The following PDE5A variants were observed in gnomAD, a reference collection of about 807,000 sequenced individuals.
PDE5A encodes phosphodiesterase 5A, also known as cGMP-specific 3',5'-cyclic phosphodiesterase.
In PDE5A, 67 loss-of-function variants were observed where a neutral mutation model predicts 110.2. The ratio of observed to expected loss-of-function variants is 0.61; its 90% CI spans 0.50 to 0.75. The LOEUF (loss-of-function observed/expected upper bound fraction) is 0.75, where lower values mean the gene tolerates loss of function less well. Among genes scored for constraint, PDE5A ranks in the 30% least tolerant of loss-of-function variants. PDE5A has a pLI of 0.00. For synonymous variants in PDE5A, 328 were observed against 351.2 expected, an observed-to-expected ratio of 0.93 and a Z score of 0.74; for missense variants, 862 against 1,045.1, an observed-to-expected ratio of 0.82 and a Z score of 2.42.
At chr4:119,549,680 A>G (rs1426671303) in intron 9 of PDE5A, 1 of 152,202 alleles carries the variant, frequency 6.6e-6, no homozygotes, top group Non-Finnish European at 1.5e-5. Flanking sequence ...ATATTGGAAA[A>G]AGGCATTTAG....
At chr4:119,567,227 T>A in intron 3 of PDE5A, 83 bp from the exon 4 acceptor site, 1 of 999,776 alleles carries the variant, frequency 1.0e-6, no homozygotes, top group Non-Finnish European at 1.6e-6. Flanking sequence ...TTATAGAAGA[T>A]ATCCTGCATG....
Position 119,607,275 on chromosome 4 carries a change from C to A in PDE5A, c.175G>T (p.Ala59Ser), listed in dbSNP as rs1729574562. Residue 59 changes from alanine to serine, a missense_variant, in exon 2 of 21, where the codon GCT (alanine) becomes TCT (serine). By Grantham distance (99) the Ala-to-Ser change is moderately conservative (BLOSUM62 1). Transcript: ENST00000354960. The stretch of plus-strand genomic sequence containing the variant: ...ACAGGGATGGTGTGAACTCTCTCAG[C>A]AAACCATGCATTGACCATTTCTCTG... ...ATREMVNAWF[A>S]ERVHTIPVCK... 2.5e-6 allele frequency: 4 copies of A among 1,610,990 alleles called. No individual in the cohort carries two copies. The highest frequency in any genetic ancestry group is 1.3e-5 in the African/African-American group (1 of 74,912).
chr4:119,628,029 TC>T, intron 1 of PDE5A: 1 of 985,834 alleles, frequency 1.0e-6, no homozygotes. Flanking sequence ...CTTTGGGCTG[TC>T]CCGTGGACTC....
intron 11 of PDE5A, among the ~76,000 whole-genome samples, chr4:119,534,883 T>C (rs1726676776): frequency 6.6e-6 from 1 of 152,176 alleles, no homozygotes; most frequent in African/African-American, 2.4e-5. Context: ...TGGGAAGTTT[T>C]TGGCTCTGAA....
At chr4:119,540,767 G>A (rs1299017439) in intron 10 of PDE5A, among the ~76,000 whole-genome samples, 1 of 152,054 alleles carries the variant, frequency 6.6e-6, no homozygotes, top group East Asian at 1.9e-4. Flanking sequence ...ACAACTTCCA[G>A]GTCAAAATAA....
At chr4:119,527,803 G>C (rs1726380857) in intron 11 of PDE5A, among the ~76,000 whole-genome samples, 1 of 151,116 alleles carries the variant, frequency 6.6e-6, no homozygotes. Flanking sequence ...ATATTTTACA[G>C]AGTCTGTAAA....
At chr4:119,609,023 T>C (rs1300440077) in intron 1 of PDE5A, among the ~76,000 whole-genome samples, 1 of 151,726 alleles carries the variant, frequency 6.6e-6, no homozygotes, top group Non-Finnish European at 1.5e-5. Context: ...TTAGCCGGGC[T>C]TGGTGGCGGG....
chr4:119,576,046 G>A (rs1728330578), intron 3 of PDE5A, among the ~76,000 whole-genome samples: 1 of 152,168 alleles, frequency 6.6e-6, no homozygotes, highest in Admixed American at 6.5e-5. Context: ...CGTAGTCTCT[G>A]ATAAAACAGA....
At chr4:119,587,539 G>A (rs1362133896) in intron 3 of PDE5A, among the ~76,000 whole-genome samples, 4 of 151,862 alleles carry the variant, frequency 2.6e-5, no homozygotes, top group South Asian at 2.1e-4. Flanking sequence ...GCCCGCCACC[G>A]CGCCCGGCTA....
In PDE5A at chr4:119,552,553, T is replaced by C. The variant is rs1436880220; in HGVS notation, c.1393A>G (p.Ile465Val). 2 of 1,420,338 alleles carry C rather than the reference T, an allele frequency of 1.4e-6. No individual in the cohort carries two copies. The highest frequency in any genetic ancestry group is 1.9e-6 in the Non-Finnish European group (2 of 1,052,534). 88.0% of individuals were successfully genotyped at this position (1,420,338 alleles called of 1,614,324 possible). A position where few individuals can be genotyped will look rare whatever the true frequency, so the allele number is the denominator to read the frequency against. Residue 465 changes from isoleucine to valine, a missense_variant, in exon 9 of 21, where the codon ATA becomes GTA. Transcript: ENST00000354960. ...TAGGTTAAAGGAAAGGTTTTACCTA[T>C]AACTTTATTCTTCTTTCCATTTTTT... ...PIKNGKKNKV[I>V]GVCQLVNKME...
rs111568098 is a variant in PDE5A at position 119,587,425 on chromosome 4, G to A, written c.831+9098C>T. On this transcript the variant is annotated intron_variant, in intron 3 of 20. Transcript: ENST00000354960. Reference sequence around the variant, plus strand: ...GGAGTCTCGCTCTGTCGCCCAGGCCGGACTGCGGACTGCAGTGGCACAATC... The same window carrying A: ...GGAGTCTCGCTCTGTCGCCCAGGCCAGACTGCGGACTGCAGTGGCACAATC... Among the ~76,000 whole-genome samples the A allele has an allele frequency of 4.7e-5, 7 of 149,216 alleles. 1 individual carries two copies. Among genetic ancestry groups the A allele is most frequent in the African/African-American group, 9.9e-5 (4 of 40,450 alleles).
In PDE5A at chr4:119,606,813, G is replaced by T. The variant is rs1238937041; in HGVS notation, c.637C>A (p.Leu213Met). The T allele has an allele frequency of 1.2e-6, 2 of 1,614,158 alleles. No individual in the cohort carries two copies. Among genetic ancestry groups the T allele is most frequent in the Non-Finnish European group, 1.7e-6 (2 of 1,180,024 alleles). The part of the protein sequence containing the change: ...RLFDVAEGST[L>M]EEVSNNCIRL... ...ATACAGTTATTTGAAACTTCTTCCA[G>T]TGTTGAACCTTCAGCAACATCAAAG... Residue 213 changes from leucine to methionine, a missense_variant, in exon 2 of 21, where the codon CTG (leucine) becomes ATG (methionine). Transcript: ENST00000354960.
chr4:119,543,160 T>C (rs1727008252), intron 9 of PDE5A: 1 of 151,922 alleles, frequency 6.6e-6, no homozygotes, highest in South Asian at 2.1e-4. Flanking sequence ...CACCTCTGTA[T>C]CCAACAGAAT....
At position 119,519,128 on chromosome 4, in the gene PDE5A, A is replaced by G. The variant is rs146603087; in HGVS notation, c.1917T>C (p.Thr639=). The change falls in exon 14 of 21, where the codon ACT becomes ACC. Residue 639 remains threonine (T), a synonymous_variant. Transcript: ENST00000354960. ...TCAGCAATGCAAGTATCTCCAGGTCAGTCAGCTTGTTCTGCATGACCAAAG... is the reference window on the plus strand; with the variant it reads ...TCAGCAATGCAAGTATCTCCAGGTCGGTCAGCTTGTTCTGCATGACCAAAG... ...LKAGKIQNKL[T]DLEILALLIA... 23 of 1,613,516 alleles carry G rather than the reference A, an allele frequency of 1.4e-5. No individual in the cohort carries two copies. In the East Asian group the frequency reaches 4.7e-4, roughly 33 times the overall value.
Position 119,542,840 on chromosome 4 carries a change from C to T in PDE5A, c.1397-206G>A, listed in dbSNP as rs112764128. 5.8e-3 allele frequency among the ~76,000 whole-genome samples: 881 copies of T among 152,130 alleles called. 14 individuals are homozygous for T. The highest frequency in any genetic ancestry group is 0.019 in the African/African-American group (809 of 41,518). On this transcript the variant is annotated intron_variant, in intron 9 of 20. Coordinates refer to ENST00000354960, the MANE Select transcript of PDE5A (RefSeq NM_001083.4). ...CTAGTTTCATGTAGTTCAAAATGTACATTGCTGGCGTTCAAAAAATCCTAG... is the reference window on the plus strand; with the variant it reads ...CTAGTTTCATGTAGTTCAAAATGTATATTGCTGGCGTTCAAAAAATCCTAG...
At chr4:119,548,719 T>G (rs1471201440) in intron 9 of PDE5A, 1 of 152,198 alleles carries the variant, frequency 6.6e-6, no homozygotes, top group African/African-American at 2.4e-5. Flanking sequence ...TTGTTTTTAT[T>G]ATATAGATCT....
intron 19 of PDE5A, among the ~76,000 whole-genome samples, chr4:119,501,892 T>TATC (rs2110452184): frequency 6.6e-6 from 1 of 152,280 alleles, no homozygotes; most frequent in African/African-American, 2.4e-5. Context: ...TTTGGCGGTT[T>TATC]ATCTATTCCC....
rs1187946564 is a variant in PDE5A, at chr4:119,552,627, G to A, written c.1319C>T (p.Thr440Ile). The change falls in exon 9 of 21, where the codon ACA (threonine) becomes ATA (isoleucine). Residue 440 changes from threonine (T) to isoleucine (I), a missense_variant. Transcript: ENST00000354960. ...DKRFPWTTEN[T>I]GNVNQQCIRS... ...AATGCACTGCTGGTTTACATTTCCT[G>A]TATTTTCAGTCTAAACAAAAATAAA... The A allele has an allele frequency of 6.6e-7, 1 of 1,525,850 alleles. No homozygotes were observed. The highest frequency in any genetic ancestry group is 8.8e-7 in the Non-Finnish European group (1 of 1,133,522). 94.5% of individuals were successfully genotyped at this position (1,525,850 alleles called of 1,614,324 possible).
At chr4:119,588,263 C>T (rs983458985) in intron 3 of PDE5A, among the ~76,000 whole-genome samples, 12 of 149,390 alleles carry the variant, frequency 8.0e-5, no homozygotes, top group African/African-American at 2.7e-4. Flanking sequence ...AAGCCTCTGT[C>T]TCCCAGCCAG....
Sources: allele counts gnomAD v4.1 joint callset (sites outside exome capture counted in the v4.1 genomes callset), GRCh38; gene constraint gnomAD v4.1.1; transcripts MANE v1.5; gene names NCBI Gene and HGNC (gene_info 2026-07-23, HGNC 2026-07-21).